The following SLC24A3 variants were observed in gnomAD, a reference collection of about 807,000 sequenced individuals.
The protein encoded by SLC24A3 is solute carrier family 24 member 3.
In SLC24A3, 28 loss-of-function variants were observed where a neutral mutation model predicts 75.8. That is an observed-to-expected ratio of 0.37 (90% CI 0.27 to 0.51). The LOEUF is 0.51. SLC24A3 is among the 20% of genes least tolerant of loss of function. The probability of loss-of-function intolerance (pLI) is 0.94; values close to 1 mark genes in which losing one functional copy is unlikely to be tolerated. For missense variants in SLC24A3, 663 were observed against 847.8 expected, an observed-to-expected ratio of 0.78 and a Z score of 2.71; for synonymous variants, 372 against 334.1, an observed-to-expected ratio of 1.11 and a Z score of -1.24.
rs573740227 is a variant in SLC24A3 at position 19,369,065 on chromosome 20, A to C, written c.271+87978A>C. On this transcript the variant is annotated intron_variant, in intron 2 of 16. Transcript: ENST00000328041. ...ATCATCATAATTGTTTCAAGCAAAAATTCTAAACTAACACTAAAACTAGTG... is the reference window on the plus strand; with the variant it reads ...ATCATCATAATTGTTTCAAGCAAAACTTCTAAACTAACACTAAAACTAGTG... Among the ~76,000 whole-genome samples, 26 of 152,338 alleles carry C rather than the reference A, an allele frequency of 1.7e-4. No individual in the cohort carries two copies. In the South Asian group the frequency reaches 5.2e-3, roughly 30 times the overall value.
chr20:19,314,888 AT>A (rs1984547992), intron 2 of SLC24A3, among the ~76,000 whole-genome samples: 1 of 152,180 alleles, frequency 6.6e-6, no homozygotes, highest in African/African-American at 2.4e-5. Flanking sequence ...CAGATGTGTG[AT>A]TTACACATGG....
At chr20:19,346,902 A>G (rs1167065546) in intron 2 of SLC24A3, among the ~76,000 whole-genome samples, 4 of 152,232 alleles carry the variant, frequency 2.6e-5, no homozygotes, top group African/African-American at 9.6e-5. Flanking sequence ...TAAACACACA[A>G]ACAGTAAAAG....
At chr20:19,705,786 A>G (rs2032923898) in intron 15 of SLC24A3, among the ~76,000 whole-genome samples, 1 of 152,162 alleles carries the variant, frequency 6.6e-6, no homozygotes, top group Non-Finnish European at 1.5e-5. Context: ...TGTGCATGGC[A>G]TTAGGTTTAA....
intron 6 of SLC24A3, among the ~76,000 whole-genome samples, chr20:19,607,179 T>A (rs2031608346): frequency 2.0e-5 from 3 of 152,166 alleles, no homozygotes; most frequent in Admixed American, 2.0e-4. Context: ...TAGTTCTTTT[T>A]CCTGGACACC....
At chr20:19,296,334 A>C (rs938748366) in intron 2 of SLC24A3, among the ~76,000 whole-genome samples, 4 of 113,980 alleles carry the variant, frequency 3.5e-5, no homozygotes, top group African/African-American at 1.4e-4. Flanking sequence ...AGGGTTTCTC[A>C]TGTCTCTGTC....
chr20:19,442,601 A>G (rs1018809120), intron 2 of SLC24A3, among the ~76,000 whole-genome samples: 4 of 151,214 alleles, frequency 2.6e-5, no homozygotes, highest in African/African-American at 9.7e-5. Context: ...TAGATTGCTT[A>G]CTAGTTCTTT....
chr20:19,721,124 T>C lies in SLC24A3; in HGVS notation c.1919T>C (p.Met640Thr). ...FNVFTFVNLP[M>T]CGDH is the part of the protein sequence containing the mutation. ...GTGTTCACCTTTGTGAACCTGCCCA[T>C]GTGCGGGGACCACTGAGCCGCCGGG... Residue 640 changes from methionine (M) to threonine (T), a missense_variant, in exon 17 of 17, where the codon ATG (methionine) becomes ACG (threonine). This residue lies in a region of SLC24A3 where 510 missense variants were observed against 703.6 expected (regional missense o/e 0.72). Coordinates refer to ENST00000328041, the MANE Select transcript of SLC24A3 (RefSeq NM_020689.4). 6.2e-7 allele frequency: 1 copy of C among 1,614,140 alleles called. No homozygotes were observed. The highest frequency in any genetic ancestry group is 8.5e-7 in the Non-Finnish European group (1 of 1,180,034).
At chr20:19,481,064 G>A (rs920726554) in intron 2 of SLC24A3, among the ~76,000 whole-genome samples, 22 of 152,126 alleles carry the variant, frequency 1.4e-4, no homozygotes, top group African/African-American at 5.3e-4. Context: ...AGAAGTAGTG[G>A]TCATTTTGGA....
chr20:19,345,792 C>T (rs925533751), intron 2 of SLC24A3, among the ~76,000 whole-genome samples: 1 of 151,614 alleles, frequency 6.6e-6, no homozygotes, highest in Non-Finnish European at 1.5e-5. Context: ...AAAGAGTAGA[C>T]GTTGGCGTGG....
chr20:19,332,824 G>C (rs1314046756), intron 2 of SLC24A3, among the ~76,000 whole-genome samples: 2 of 152,154 alleles, frequency 1.3e-5, no homozygotes, highest in Non-Finnish European at 1.5e-5. Flanking sequence ...CTTGCCTGTT[G>C]GTGGGTTCTC....
intron 2 of SLC24A3, among the ~76,000 whole-genome samples, chr20:19,339,230 T>C (rs908009904): frequency 1.3e-5 from 2 of 152,188 alleles, no homozygotes; most frequent in African/African-American, 4.8e-5. Context: ...TTGCGTTCAG[T>C]GCTCATTCTT....
chr20:19,586,735 G>A (rs956417768), intron 6 of SLC24A3, among the ~76,000 whole-genome samples: 2 of 152,142 alleles, frequency 1.3e-5, no homozygotes, highest in Admixed American at 6.5e-5. Context: ...CAGGTGACAC[G>A]CAGAGGGACA....
chr20:19,396,454 A>G (rs916756643), intron 2 of SLC24A3, among the ~76,000 whole-genome samples: 2 of 152,228 alleles, frequency 1.3e-5, no homozygotes, highest in East Asian at 3.8e-4. Flanking sequence ...CTCTTTTTAT[A>G]GTAATTCTTC....
Position 19,585,550 on chromosome 20 carries a change from A to G in SLC24A3, c.612+6A>G. Reference sequence around the variant, plus strand: ...GTGGGCTCTTTGCTGGGCAGGTAAGACTGGCGGCTTCTTTGTGATGGCAAA... The same window carrying G: ...GTGGGCTCTTTGCTGGGCAGGTAAGGCTGGCGGCTTCTTTGTGATGGCAAA... On this transcript the variant is annotated splice_donor_region_variant and intron_variant, in intron 6 of 16. Transcript: ENST00000328041. 6.2e-7 allele frequency: 1 copy of G among 1,613,024 alleles called. No individual in the cohort carries two copies.
intron 1 of SLC24A3, among the ~76,000 whole-genome samples, chr20:19,270,867 T>G (rs1983310099): frequency 1.3e-5 from 2 of 151,758 alleles, no homozygotes; most frequent in Non-Finnish European, 1.5e-5. Flanking sequence ...CTTCATCAGG[T>G]GGGGTCAGTC....
intron 10 of SLC24A3, 126 bp from the exon 11 acceptor site, chr20:19,684,050 T>C: frequency 1.9e-6 from 2 of 1,051,336 alleles, no homozygotes; most frequent in Non-Finnish European, 2.8e-6. Flanking sequence ...AGTGGATAGA[T>C]GGATGGGTGA....
intron 2 of SLC24A3, among the ~76,000 whole-genome samples, chr20:19,464,341 C>A (rs746933357): frequency 3.3e-5 from 5 of 152,182 alleles, no homozygotes; most frequent in Non-Finnish European, 5.9e-5. Context: ...AGAGCACATG[C>A]GTGCATATTA....
At chr20:19,512,799 C>T (rs953931136) in intron 2 of SLC24A3, among the ~76,000 whole-genome samples, 3 of 152,174 alleles carry the variant, frequency 2.0e-5, no homozygotes, top group East Asian at 1.9e-4. Context: ...TTATTGATCA[C>T]GGAGGAAGCT....
At chr20:19,720,617 G>A (rs1009049249) in intron 16 of SLC24A3, among the ~76,000 whole-genome samples, 3 of 152,156 alleles carry the variant, frequency 2.0e-5, no homozygotes, top group African/African-American at 4.8e-5. Context: ...TGAGGGGTCA[G>A]TGTCCCCAGG....
Sources: allele counts gnomAD v4.1 joint callset (sites outside exome capture counted in the v4.1 genomes callset), GRCh38; gene constraint gnomAD v4.1.1; regional missense constraint gnomAD v4.1.1; transcripts MANE v1.5; gene names NCBI Gene and HGNC (gene_info 2026-07-23, HGNC 2026-07-21).